The following LINGO2 variants were observed in gnomAD, a reference collection of about 807,000 sequenced individuals.
LINGO2 encodes the protein leucine-rich repeat and immunoglobulin-like domain-containing nogo receptor-interacting protein 2.
In LINGO2, 14 loss-of-function variants were observed where a neutral mutation model predicts 30.6. That is an observed-to-expected ratio of 0.46 (90% CI 0.30 to 0.72). The LOEUF (loss-of-function observed/expected upper bound fraction) is 0.72. LINGO2 is among the 30% of genes least tolerant of loss of function. The pLI is 0.07. For missense variants in LINGO2, 729 were observed against 751.7 expected (o/e 0.97, Z 0.35); for synonymous variants, 317 against 288.5 (o/e 1.10, Z -1.00).
At chr9:29,033,307 C>T in the LINGO2 span, among the ~76,000 whole-genome samples, 1 of 150,698 alleles carries the variant, frequency 6.6e-6, no homozygotes, top group African/African-American at 2.4e-5. Context: ...GAATGTGAAA[C>T]AGAAAAACAT....
At chr9:28,104,135 C>A (rs1826499604) in intron 4 of LINGO2, among the ~76,000 whole-genome samples, 1 of 151,924 alleles carries the variant, frequency 6.6e-6, no homozygotes, top group Non-Finnish European at 1.5e-5. Context: ...ACTCCTTGTC[C>A]CCTACTCCTC....
chr9:28,386,904 T>A (rs12552365), intron 2 of LINGO2, among the ~76,000 whole-genome samples: 4,625 of 152,300 alleles, frequency 0.03, 74 homozygotes, highest in East Asian at 0.044. Flanking sequence ...TCTAATTTTT[T>A]AAAATTAAGT....
the LINGO2 span, among the ~76,000 whole-genome samples, chr9:28,864,973 A>G: frequency 1.9e-4 from 29 of 152,096 alleles, no homozygotes; most frequent in Non-Finnish European, 3.7e-4. Flanking sequence ...TATAGGGCTA[A>G]TGGAGACATG....
chr9:28,622,937 T>C lies in LINGO2; in HGVS notation c.-365+47263A>G, dbSNP rs542900675. Among the ~76,000 whole-genome samples, 12 of 152,152 alleles carry C rather than the reference T, an allele frequency of 7.9e-5. No individual in the cohort carries two copies. In the South Asian group the frequency reaches 1.9e-3, roughly 24 times the overall value. ...GTATTGATTTGTATTTCTCTGATGA[T>C]AGATGATGTCAAGCACCTTATTATA... is the stretch of plus-strand genomic sequence containing the variant. On this transcript the variant is annotated intron_variant, in intron 1 of 5. Transcript: ENST00000379992.
chr9:28,642,321 G>A (rs1307595339), intron 1 of LINGO2, among the ~76,000 whole-genome samples: 1 of 151,960 alleles, frequency 6.6e-6, no homozygotes, highest in Non-Finnish European at 1.5e-5. Context: ...AATTGTGTTG[G>A]TCAGGTTTTA....
At chr9:28,541,402 G>A (rs918691520) in intron 1 of LINGO2, among the ~76,000 whole-genome samples, 2 of 152,158 alleles carry the variant, frequency 1.3e-5, no homozygotes, top group Non-Finnish European at 2.9e-5. Context: ...TTATGAGGAT[G>A]ACTGATGTAA....
intron 2 of LINGO2, among the ~76,000 whole-genome samples, chr9:28,430,929 T>C (rs1259304423): frequency 6.6e-6 from 1 of 151,960 alleles, no homozygotes; most frequent in Non-Finnish European, 1.5e-5. Context: ...CTCAGTTCCT[T>C]GTAGGTGATT....
chr9:28,557,746 C>A (rs966061085), intron 1 of LINGO2, among the ~76,000 whole-genome samples: 15 of 149,566 alleles, frequency 1.0e-4, no homozygotes, highest in Non-Finnish European at 2.1e-4. Context: ...TGGAACCAAC[C>A]CAAATGTCCA....
At chr9:28,552,374 T>G (rs1047022295) in intron 1 of LINGO2, among the ~76,000 whole-genome samples, 2 of 152,126 alleles carry the variant, frequency 1.3e-5, no homozygotes, top group Admixed American at 1.3e-4. Context: ...TTAAATACTT[T>G]GTTGCATACT....
chr9:28,430,105 C>T lies in LINGO2; in HGVS notation c.-279+45835G>A, dbSNP rs62555193. Among the ~76,000 whole-genome samples the T allele has an allele frequency of 5.9e-4, 18 of 30,308 alleles. No individual in the cohort carries two copies. In the Admixed American group the frequency reaches 6.0e-3, roughly 10 times the overall value. 19.9% of individuals were successfully genotyped at this position (30,308 alleles called of 152,430 possible). A position where few individuals can be genotyped will look rare whatever the true frequency, so the allele number is the denominator to read the frequency against. On this transcript the variant is annotated intron_variant, in intron 2 of 5. Coordinates refer to ENST00000379992, the Ensembl canonical transcript of LINGO2. Reference sequence around the variant, plus strand: ...GGAGAGGCTGATTTCCACGCGCGCGCGCGCGTGTGTGTGTGTGTGTGTGTG... The same window carrying T: ...GGAGAGGCTGATTTCCACGCGCGCGTGCGCGTGTGTGTGTGTGTGTGTGTG...
At chr9:28,956,512 G>A in the LINGO2 span, among the ~76,000 whole-genome samples, 1 of 151,938 alleles carries the variant, frequency 6.6e-6, no homozygotes. Context: ...TCCGTATAAT[G>A]CTTGTGCACT....
At chr9:27,961,010 T>C (rs947741574) in intron 5 of LINGO2, among the ~76,000 whole-genome samples, 2 of 152,176 alleles carry the variant, frequency 1.3e-5, no homozygotes, top group African/African-American at 4.8e-5. Context: ...AACTTTACAA[T>C]GGTGTGAAAG....
At chr9:28,097,215 G>T (rs945230216) in intron 4 of LINGO2, among the ~76,000 whole-genome samples, 19 of 152,230 alleles carry the variant, frequency 1.2e-4, no homozygotes, top group Non-Finnish European at 2.2e-4. Context: ...GGAGAAATAG[G>T]AACACTTTTA....
At chr9:28,258,587 T>C (rs779738760) in intron 4 of LINGO2, among the ~76,000 whole-genome samples, 14 of 151,912 alleles carry the variant, frequency 9.2e-5, no homozygotes, top group Non-Finnish European at 1.9e-4. Flanking sequence ...TATGCCTCAT[T>C]AAAAAATACC....
chr9:28,031,064 T>C (rs113765396), intron 4 of LINGO2, among the ~76,000 whole-genome samples: 2 of 152,294 alleles, frequency 1.3e-5, no homozygotes, highest in African/African-American at 4.8e-5. Flanking sequence ...TCTATAATAA[T>C]TAATGGAGTC....
At chr9:28,094,656 CT>C (rs370629693) in intron 4 of LINGO2, among the ~76,000 whole-genome samples, 39 of 152,118 alleles carry the variant, frequency 2.6e-4, no homozygotes, top group African/African-American at 8.4e-4. Flanking sequence ...TGAACATAGA[CT>C]TTTTTTCCAT....
At chr9:29,058,790 T>TTG in the LINGO2 span, among the ~76,000 whole-genome samples, 1 of 151,748 alleles carries the variant, frequency 6.6e-6, no homozygotes, top group Admixed American at 6.6e-5. Context: ...AAACACAACG[T>TTG]AACACAGGAC....
intron 3 of LINGO2, among the ~76,000 whole-genome samples, chr9:28,304,919 T>A (rs1356252895): frequency 6.6e-6 from 1 of 152,056 alleles, no homozygotes; most frequent in Non-Finnish European, 1.5e-5. Context: ...CAATAAGATG[T>A]AAAGTCTTTA....
chr9:28,410,531 G>A (rs1259562913), intron 2 of LINGO2, among the ~76,000 whole-genome samples: 1 of 152,048 alleles, frequency 6.6e-6, no homozygotes, highest in East Asian at 1.9e-4. Context: ...ATGAGGGCCA[G>A]AGCCAGGAAT....
Sources: gnomAD v4.1 joint callset for allele counts (sites outside exome capture counted in the v4.1 genomes callset) on GRCh38, gnomAD v4.1.1 for gene constraint, MANE v1.5 for transcripts, NCBI Gene and HGNC (gene_info 2026-07-23, HGNC 2026-07-21) for gene names.